The following EDIL3 variants were observed in gnomAD, a reference collection of about 807,000 sequenced individuals.
EDIL3 encodes the protein EGF-like repeat and discoidin I-like domain-containing protein 3.
A neutral mutation model predicts 67.4 loss-of-function variants in EDIL3; 37 were observed. That is an observed-to-expected ratio of 0.55 (90% CI 0.42 to 0.72). EDIL3 has a LOEUF of 0.72. EDIL3 is among the 30% of genes least tolerant of loss of function. The pLI is 0.00. For synonymous variants in EDIL3, 195 were observed against 196.3 expected (o/e 0.99, Z 0.05); for missense variants, 527 against 586.3 (o/e 0.90, Z 1.04).
intron 9 of EDIL3, among the ~76,000 whole-genome samples, chr5:84,039,171 A>G (rs1407959311): frequency 6.6e-6 from 1 of 152,044 alleles, no homozygotes; most frequent in Non-Finnish European, 1.5e-5. Flanking sequence ...TTTAAATGCC[A>G]TCCAGTGACA....
At chr5:84,213,629 T>C (rs2112391936) in intron 3 of EDIL3, among the ~76,000 whole-genome samples, 1 of 152,286 alleles carries the variant, frequency 6.6e-6, no homozygotes, top group Admixed American at 6.5e-5. Context: ...CTTATTTAGA[T>C]TTATGTCTAG....
At chr5:84,240,525 C>T (rs1237537027) in intron 2 of EDIL3, among the ~76,000 whole-genome samples, 1 of 152,170 alleles carries the variant, frequency 6.6e-6, no homozygotes, top group African/African-American at 2.4e-5. Context: ...AGCCCCGCCT[C>T]CTCTCAGATC....
At chr5:84,100,525 G>A (rs1747343769) in intron 6 of EDIL3, among the ~76,000 whole-genome samples, 2 of 152,030 alleles carry the variant, frequency 1.3e-5, no homozygotes, top group Admixed American at 6.6e-5. Context: ...GCTGAACAAT[G>A]AGACCACATG....
chr5:84,194,764 G>A (rs1743667586), intron 3 of EDIL3, among the ~76,000 whole-genome samples: 1 of 151,782 alleles, frequency 6.6e-6, no homozygotes, highest in Non-Finnish European at 1.5e-5. Flanking sequence ...GAATATAGAT[G>A]GGCAACTTCA....
intron 1 of EDIL3, among the ~76,000 whole-genome samples, chr5:84,338,006 T>C (rs1747024225): frequency 6.6e-6 from 1 of 152,136 alleles, no homozygotes; most frequent in Non-Finnish European, 1.5e-5. Context: ...AATACTGACC[T>C]ATACACATAG....
At chr5:84,175,022 T>TA (rs1748878987) in intron 4 of EDIL3, among the ~76,000 whole-genome samples, 2 of 152,140 alleles carry the variant, frequency 1.3e-5, no homozygotes, top group Non-Finnish European at 2.9e-5. Flanking sequence ...TGGAGGGTGT[T>TA]AAGTGAAAAT....
At chr5:84,131,525 C>T (rs1747966580) in intron 5 of EDIL3, among the ~76,000 whole-genome samples, 1 of 152,152 alleles carries the variant, frequency 6.6e-6, no homozygotes, top group African/African-American at 2.4e-5. Context: ...TCTGCAACTG[C>T]AATGCCTGGG....
At chr5:83,968,569 G>A (rs1422497579) in intron 9 of EDIL3, among the ~76,000 whole-genome samples, 1 of 151,884 alleles carries the variant, frequency 6.6e-6, no homozygotes, top group Non-Finnish European at 1.5e-5. Context: ...ATAAACAAAT[G>A]TTCTAAGCTC....
intron 1 of EDIL3, among the ~76,000 whole-genome samples, chr5:84,383,026 C>G (rs1748121312): frequency 6.6e-6 from 1 of 152,206 alleles, no homozygotes; most frequent in African/African-American, 2.4e-5. Flanking sequence ...TGGATAGGTG[C>G]ATGGATGGAT....
chr5:84,003,942 G>A (rs1035926306), intron 9 of EDIL3, among the ~76,000 whole-genome samples: 4 of 150,946 alleles, frequency 2.6e-5, no homozygotes, highest in Non-Finnish European at 5.9e-5. Flanking sequence ...CACATGCAAT[G>A]AGAGATACCA....
intron 1 of EDIL3, among the ~76,000 whole-genome samples, chr5:84,383,657 C>G (rs898844943): frequency 1.3e-5 from 2 of 152,124 alleles, no homozygotes. Context: ...CCCCTGGGGT[C>G]AGACTAGGAG....
chr5:84,033,431 C>T lies in EDIL3; in HGVS notation c.1137+26869G>A, dbSNP rs185073254. Reference sequence around the variant, plus strand: ...ATTCAAAGATATTAAAATACTAGGCCAGGCATAGTGGCTCATGCCTGTAAT... The same window carrying T: ...ATTCAAAGATATTAAAATACTAGGCTAGGCATAGTGGCTCATGCCTGTAAT... On this transcript the variant is annotated intron_variant, in intron 9 of 10. Transcript: ENST00000296591. Among the ~76,000 whole-genome samples, 245 of 152,112 alleles carry T rather than the reference C, an allele frequency of 1.6e-3. 2 individuals are homozygous for T. The highest frequency in any genetic ancestry group is 5.6e-3 in the African/African-American group (233 of 41,508).
At position 83,941,321 on chromosome 5, in the gene EDIL3, T is replaced by A. The variant is rs1321221277; in HGVS notation, c.*2098A>T. 1 of 151,978 alleles carries A rather than the reference T, an allele frequency of 6.6e-6. No homozygotes were observed. The highest frequency in any genetic ancestry group is 2.4e-5 in the African/African-American group (1 of 41,426). 9.4% of individuals were successfully genotyped at this position (151,978 alleles called of 1,614,324 possible). A position where few individuals can be genotyped will look rare whatever the true frequency, so the allele number is the denominator to read the frequency against. On this transcript the variant is annotated 3_prime_UTR_variant, in exon 11 of 11. Transcript: ENST00000296591. ...AATGCTTTTTCTAAAAGGTAACAAA[T>A]ATAATTTTAATCAACTTCCTTGGAA...
chr5:83,963,174 T>G, intron 10 of EDIL3, 31 bp downstream of exon 10: 3 of 1,574,634 alleles, frequency 1.9e-6, no homozygotes, highest in Non-Finnish European at 1.7e-6. Context: ...CCTCCACTTC[T>G]GAACTTTATA....
chr5:84,217,491 G>A (rs564507143), intron 3 of EDIL3, among the ~76,000 whole-genome samples: 1 of 152,220 alleles, frequency 6.6e-6, no homozygotes, highest in Admixed American at 6.5e-5. Context: ...TTGACTTTAA[G>A]TAAAAAAGAT....
chr5:84,111,338 C>G (rs541924275), intron 5 of EDIL3, among the ~76,000 whole-genome samples: 1 of 152,236 alleles, frequency 6.6e-6, no homozygotes, highest in South Asian at 2.1e-4. Flanking sequence ...GTGTGTCTGT[C>G]TCCTAAGGTG....
chr5:84,002,602 C>G (rs979021998), intron 9 of EDIL3, among the ~76,000 whole-genome samples: 1 of 152,158 alleles, frequency 6.6e-6, no homozygotes, highest in Admixed American at 6.5e-5. Flanking sequence ...GATGCAAAAT[C>G]AACAAACAAA....
At chr5:84,312,352 T>A (rs1341393633) in intron 1 of EDIL3, among the ~76,000 whole-genome samples, 1 of 133,484 alleles carries the variant, frequency 7.5e-6, no homozygotes, top group Non-Finnish European at 1.6e-5. Flanking sequence ...CCCACCTCCC[T>A]CCCGGACGGG....
rs767116511 is a variant in EDIL3, at chr5:84,064,650, C to T, written c.952+50G>A. On this transcript the variant is annotated intron_variant, in intron 8 of 10. Coordinates refer to ENST00000296591, the MANE Select transcript of EDIL3 (RefSeq NM_005711.5). ...TAGTAACAGGCTACATACAAATATG[C>T]TTTTTGTTTTCTTTAAATAGAATAC... 8.3e-6 allele frequency: 13 copies of T among 1,558,956 alleles called. No homozygotes were observed. The African/African-American group carries it at 9.6e-5, about 12-fold the overall frequency.
Sources: allele counts gnomAD v4.1 joint callset (sites outside exome capture counted in the v4.1 genomes callset), GRCh38; gene constraint gnomAD v4.1.1; transcripts MANE v1.5; gene names NCBI Gene and HGNC (gene_info 2026-07-23, HGNC 2026-07-21).